Variants in TBC1D1 observed in about 807,000 individuals in gnomAD.
TBC1D1 encodes the protein TBC1 domain family member 1.
In TBC1D1, 89 loss-of-function variants were observed where a neutral mutation model predicts 125.6. That is an observed-to-expected ratio of 0.71 (90% confidence interval 0.60 to 0.85). TBC1D1 has a LOEUF of 0.85. Ranked by LOEUF, TBC1D1 falls within the 40% of genes least tolerant of loss-of-function variation. The pLI, the probability that TBC1D1 is intolerant of heterozygous loss-of-function variation, is 0.00. For missense variants in TBC1D1, 1,377 were observed against 1,469.2 expected, an observed-to-expected ratio of 0.94 and a Z score of 1.03; for synonymous variants, 565 against 564.1, an observed-to-expected ratio of 1.00 and a Z score of -0.02.
chr4:37,939,700 T>A (rs1725140576), intron 2 of TBC1D1, among the ~76,000 whole-genome samples: 1 of 152,222 alleles, frequency 6.6e-6, no homozygotes, highest in African/African-American at 2.4e-5. Context: ...AATTTTTGTA[T>A]AAGGTATAAG....
chr4:37,892,951 T>A (rs1447549253), intron 1 of TBC1D1, among the ~76,000 whole-genome samples: 2 of 152,200 alleles, frequency 1.3e-5, no homozygotes, highest in African/African-American at 4.8e-5. Flanking sequence ...CAATGAGATG[T>A]ACCCCTATGC....
chr4:37,947,158 T>C (rs1726874765), intron 2 of TBC1D1, among the ~76,000 whole-genome samples: 1 of 152,180 alleles, frequency 6.6e-6, no homozygotes, highest in Non-Finnish European at 1.5e-5. Context: ...CATTTATTTA[T>C]GTGTTTATTT....
At chr4:37,940,597 G>A (rs987964004) in intron 2 of TBC1D1, among the ~76,000 whole-genome samples, 1 of 152,184 alleles carries the variant, frequency 6.6e-6, no homozygotes, top group African/African-American at 2.4e-5. Flanking sequence ...TCCCTGTCTT[G>A]TGCCAGTTTT....
intron 6 of TBC1D1, 117 bp downstream of exon 6, chr4:38,021,835 G>T: frequency 8.5e-7 from 1 of 1,180,818 alleles, no homozygotes. Flanking sequence ...ATTAGTCACA[G>T]GGATTGTAGG....
chr4:38,105,635 T>G (rs994995743), intron 15 of TBC1D1, among the ~76,000 whole-genome samples: 1 of 152,174 alleles, frequency 6.6e-6, no homozygotes, highest in African/African-American at 2.4e-5. Context: ...GTTCTCATCT[T>G]TATGTCCATG....
At chr4:37,962,044 G>A (rs1474771457) in intron 2 of TBC1D1, among the ~76,000 whole-genome samples, 2 of 152,178 alleles carry the variant, frequency 1.3e-5, no homozygotes, top group Non-Finnish European at 2.9e-5. Context: ...CTTGTACATT[G>A]CCTGTCTTCC....
chr4:37,918,924 A>G (rs1720312196), intron 2 of TBC1D1, among the ~76,000 whole-genome samples: 2 of 152,204 alleles, frequency 1.3e-5, no homozygotes, highest in Admixed American at 6.5e-5. Flanking sequence ...GAAAATGTTC[A>G]TTAGCATAAT....
chr4:38,070,850 T>C (rs960842973), intron 12 of TBC1D1, among the ~76,000 whole-genome samples: 16 of 152,324 alleles, frequency 1.1e-4, no homozygotes, highest in Middle Eastern at 3.4e-3. Flanking sequence ...TTGAAGTACA[T>C]TTAGTCTTTC....
In TBC1D1 at chr4:38,033,640, A is replaced by G. The variant is rs559480778; in HGVS notation, c.1303-1948A>G. 2.0e-5 allele frequency among the ~76,000 whole-genome samples: 3 copies of G among 152,256 alleles called. No homozygotes were observed. The South Asian group carries it at 6.2e-4, about 32-fold the overall frequency. ...TGGGTTGTGACAGATGCTTAATGTC[A>G]TGTGCCCATCATTACGGTATCATAC... On this transcript the variant is annotated intron_variant, in intron 7 of 19. Coordinates refer to ENST00000261439, the MANE Select transcript of TBC1D1 (RefSeq NM_015173.4).
At chr4:38,005,786 C>G (rs1326629825) in intron 2 of TBC1D1, among the ~76,000 whole-genome samples, 1 of 152,194 alleles carries the variant, frequency 6.6e-6, no homozygotes, top group African/African-American at 2.4e-5. Flanking sequence ...GCCAGCAAGG[C>G]CATGTGACTT....
At chr4:37,900,267 G>T (rs1418563042) in intron 1 of TBC1D1, among the ~76,000 whole-genome samples, 1 of 152,114 alleles carries the variant, frequency 6.6e-6, no homozygotes, top group African/African-American at 2.4e-5. Context: ...GAATTTCAGT[G>T]GATCCCTAGG....
chr4:38,132,679 A>T (rs908639120), intron 18 of TBC1D1: 1 of 167,816 alleles, frequency 6.0e-6, no homozygotes, highest in Non-Finnish European at 1.5e-5. Flanking sequence ...CAAACAGGCT[A>T]TGATTCTTTT....
At chr4:37,907,702 T>C (rs1378096089) in intron 2 of TBC1D1, among the ~76,000 whole-genome samples, 2 of 152,204 alleles carry the variant, frequency 1.3e-5, no homozygotes, top group African/African-American at 4.8e-5. Flanking sequence ...GATGGTTGCA[T>C]GAGTGACCCT....
chr4:38,028,409 C>T (rs1560648496), intron 7 of TBC1D1, among the ~76,000 whole-genome samples: 1 of 152,214 alleles, frequency 6.6e-6, no homozygotes, highest in Non-Finnish European at 1.5e-5. Flanking sequence ...CATGATCTGC[C>T]TGCCTTGGCC....
intron 2 of TBC1D1, among the ~76,000 whole-genome samples, chr4:37,960,003 A>G (rs1253250182): frequency 6.6e-6 from 1 of 152,262 alleles, no homozygotes; most frequent in Non-Finnish European, 1.5e-5. Flanking sequence ...GAAGACTTGC[A>G]TTTATTAAAG....
At chr4:38,103,510 G>C (rs896426722) in intron 15 of TBC1D1, among the ~76,000 whole-genome samples, 3 of 152,296 alleles carry the variant, frequency 2.0e-5, no homozygotes, top group Non-Finnish European at 2.9e-5. Context: ...CAGAACCGAG[G>C]CTTGGTTTAA....
chr4:37,900,257 G>C (rs1715626941), intron 1 of TBC1D1, among the ~76,000 whole-genome samples: 1 of 152,062 alleles, frequency 6.6e-6, no homozygotes, highest in Non-Finnish European at 1.5e-5. Context: ...AACTTTAACA[G>C]AATTTCAGTG....
At chr4:38,002,201 G>A (rs1002507331) in intron 2 of TBC1D1, among the ~76,000 whole-genome samples, 21 of 152,042 alleles carry the variant, frequency 1.4e-4, no homozygotes, top group African/African-American at 5.1e-4. Context: ...AACCTCAGTC[G>A]CTCTTGGGGG....
intron 12 of TBC1D1, among the ~76,000 whole-genome samples, chr4:38,061,216 C>G (rs550902170): frequency 6.6e-6 from 1 of 152,192 alleles, no homozygotes; most frequent in South Asian, 2.1e-4. Flanking sequence ...GGCCTTATCT[C>G]TTATGGAGCA....
Sources: gnomAD v4.1 joint callset for allele counts (sites outside exome capture counted in the v4.1 genomes callset) on GRCh38, gnomAD v4.1.1 for gene constraint, MANE v1.5 for transcripts, NCBI Gene and HGNC (gene_info 2026-07-23, HGNC 2026-07-21) for gene names.